Variants in NDUFAF6 observed in about 807,000 individuals in gnomAD.
The protein encoded by NDUFAF6 is NADH:ubiquinone oxidoreductase complex assembly factor 6.
Under a neutral mutation model 40.8 loss-of-function variants are expected in NDUFAF6, and 45 were observed. The observed-to-expected ratio is 1.10, with a 90% CI of 0.87 to 1.42. The LOEUF is 1.42. Among genes scored for constraint, NDUFAF6 ranks in the 40% most tolerant of loss-of-function variants. The pLI, the probability that NDUFAF6 is intolerant of heterozygous loss-of-function variation, is 0.00. For synonymous variants in NDUFAF6, 185 were observed against 155.9 expected (o/e 1.19, Z -1.39); for missense variants, 435 against 418.5 (o/e 1.04, Z -0.34).
intron 3 of NDUFAF6, among the ~76,000 whole-genome samples, chr8:95,039,281 C>T (rs530994921): frequency 3.6e-4 from 54 of 151,882 alleles, no homozygotes; most frequent in African/African-American, 1.2e-3. Flanking sequence ...GGTGAAACCC[C>T]GTCTCTACTA....
At chr8:95,019,006 T>C (rs1005635961) in intron 2 of NDUFAF6, among the ~76,000 whole-genome samples, 3 of 152,174 alleles carry the variant, frequency 2.0e-5, no homozygotes, top group African/African-American at 7.2e-5. Context: ...AGTCATCTCA[T>C]ATATATATTT....
At chr8:95,054,908 A>T (rs75568559) in intron 8 of NDUFAF6, among the ~76,000 whole-genome samples, 2,666 of 152,284 alleles carry the variant, frequency 0.018, 80 homozygotes, top group African/African-American at 0.059. Context: ...GCAGTTTAAA[A>T]ACTCTTTGAA....
intron 1 of NDUFAF6, among the ~76,000 whole-genome samples, chr8:94,916,936 A>G (rs1819172598): frequency 6.6e-6 from 1 of 151,964 alleles, no homozygotes; most frequent in Non-Finnish European, 1.5e-5. Context: ...AATATGGTGA[A>G]ACCCCGTCTC....
upstream of NDUFAF6, among the ~76,000 whole-genome samples, chr8:94,955,218 T>C (rs1246342634): frequency 2.0e-5 from 3 of 152,240 alleles, no homozygotes; most frequent in Non-Finnish European, 4.4e-5. Flanking sequence ...TTTGTGTTGC[T>C]ATAACAGAAT....
chr8:95,032,097 T>C lies in NDUFAF6; in HGVS notation c.297+3T>C. 6.2e-7 allele frequency: 1 copy of C among 1,612,732 alleles called. No individual in the cohort carries two copies. ...CCTTTAATGTGGAACTGGCTCAGGC[T>C]GGTATTAAGATACCTTAAAATATTA... On this transcript the variant is annotated splice_donor_region_variant and intron_variant, in intron 2 of 8. Coordinates refer to ENST00000396124, the MANE Select transcript of NDUFAF6 (RefSeq NM_152416.4).
intron 6 of NDUFAF6, among the ~76,000 whole-genome samples, chr8:95,047,800 C>T (rs188623797): frequency 7.2e-5 from 11 of 152,122 alleles, no homozygotes; most frequent in African/African-American, 2.2e-4. Context: ...TGAGCCACTG[C>T]GCCCGGCGAG....
chr8:94,952,360 C>A (rs1192477714), intron 2 of NDUFAF6, among the ~76,000 whole-genome samples: 1 of 152,212 alleles, frequency 6.6e-6, no homozygotes, highest in South Asian at 2.1e-4. Flanking sequence ...CACAAAGCAA[C>A]AAGTTGTTCT....
At chr8:94,954,751 A>G (rs1822929693), upstream of NDUFAF6, among the ~76,000 whole-genome samples, 1 of 152,186 alleles carries the variant, frequency 6.6e-6, no homozygotes, top group Non-Finnish European at 1.5e-5. Flanking sequence ...CTGGTATCTG[A>G]TGGTGACCTG....
rs762519521 is a variant in NDUFAF6 at position 95,025,102 on chromosome 8, C to G, written c.94C>G (p.Arg32Gly). ...CRRPPLGLYA[R>G]MRRLPGPEVS... ...CCGGCCGCCTCTGGGTCTGTACGCG[C>G]GCATGCGGCGGCTGCCCGGGCCGGA... The change falls in exon 1 of 9, where the codon CGC becomes GGC. Residue 32 changes from arginine (R) to glycine (G), a missense_variant. Transcript: ENST00000396124. 1.3e-6 allele frequency: 2 copies of G among 1,482,558 alleles called. No homozygotes were observed. The highest frequency in any genetic ancestry group is 2.4e-5 in the Admixed American group (1 of 41,854). The allele number at this position is 1,482,558 out of a possible 1,614,324, so 91.8% of individuals were successfully genotyped here. A position where few individuals can be genotyped will look rare whatever the true frequency, so the allele number is the denominator to read the frequency against.
chr8:94,924,445 A>T (rs1008722547), intron 1 of NDUFAF6, among the ~76,000 whole-genome samples: 2 of 152,240 alleles, frequency 1.3e-5, no homozygotes, highest in African/African-American at 4.8e-5. Context: ...CATAGCATTT[A>T]GGTTTTTCAA....
chr8:94,922,630 C>A (rs1819583236), intron 1 of NDUFAF6, among the ~76,000 whole-genome samples: 1 of 152,016 alleles, frequency 6.6e-6, no homozygotes, highest in African/African-American at 2.4e-5. Flanking sequence ...AGGTGCCCGG[C>A]ACCACACCCA....
chr8:94,922,174 A>AT (rs1346258133), intron 1 of NDUFAF6, among the ~76,000 whole-genome samples: 4 of 151,632 alleles, frequency 2.6e-5, no homozygotes, highest in South Asian at 2.1e-4. Context: ...CGCCCGGCTA[A>AT]TTTTTTGTAT....
intron 2 of NDUFAF6, among the ~76,000 whole-genome samples, chr8:95,092,849 C>T (rs1311805325): frequency 2.0e-5 from 3 of 152,340 alleles, no homozygotes; most frequent in East Asian, 1.9e-4. Flanking sequence ...CTCCCAGGTG[C>T]TGGGATCACA....
intron 4 of NDUFAF6, among the ~76,000 whole-genome samples, chr8:95,114,932 G>C (rs938300685): frequency 1.3e-5 from 2 of 152,082 alleles, no homozygotes; most frequent in Non-Finnish European, 2.9e-5. Context: ...CGTGGTGGCA[G>C]GTGTTTGTAA....
In NDUFAF6 at chr8:94,939,713, G is replaced by A. The variant is rs563109074; in HGVS notation, c.-935-5770G>A. On this transcript the variant is annotated intron_variant, in intron 1 of 14. Coordinates refer to the NDUFAF6 transcript ENST00000396113. ...GTGACTGGTCAACAAGTTATCTTAC[G>A]GACCATCTTGTGTACTATGCACATG... The A allele has an allele frequency of 1.5e-4, 169 of 1,162,472 alleles. 1 individual carries two copies. In the African/African-American group the frequency reaches 1.6e-3, roughly 11 times the overall value. 72.0% of individuals were successfully genotyped at this position (1,162,472 alleles called of 1,614,324 possible). A position where few individuals can be genotyped will look rare whatever the true frequency, so the allele number is the denominator to read the frequency against.
chr8:94,995,202 G>A (rs2131627306), intron 2 of NDUFAF6, among the ~76,000 whole-genome samples: 1 of 152,312 alleles, frequency 6.6e-6, no homozygotes, highest in Admixed American at 6.5e-5. Flanking sequence ...TTTGTGCTAA[G>A]TGATAAAAAT....
chr8:95,000,021 A>G (rs1186091671), intron 2 of NDUFAF6, among the ~76,000 whole-genome samples: 1 of 151,158 alleles, frequency 6.6e-6, no homozygotes, highest in East Asian at 2.0e-4. Flanking sequence ...ATCAGCCTGG[A>G]CAACATAGTG....
chr8:95,089,458 G>GTATATA (rs34540757), intron 2 of NDUFAF6, among the ~76,000 whole-genome samples: 103 of 125,836 alleles, frequency 8.2e-4, no homozygotes, highest in African/African-American at 2.9e-3. Flanking sequence ...AGTGTAAACT[G>GTATATA]TGTGTATATA....
chr8:95,006,676 T>G (rs1412916492), intron 2 of NDUFAF6, among the ~76,000 whole-genome samples: 1 of 151,804 alleles, frequency 6.6e-6, no homozygotes, highest in African/African-American at 2.4e-5. Flanking sequence ...AGCTTAAGAG[T>G]TCGAGACCAG....
Sources: allele counts gnomAD v4.1 joint callset (sites outside exome capture counted in the v4.1 genomes callset), GRCh38; gene constraint gnomAD v4.1.1; transcripts MANE v1.5; gene names NCBI Gene and HGNC (gene_info 2026-07-23, HGNC 2026-07-21).